The following GRIN2B variants were observed in gnomAD, a reference collection of about 807,000 sequenced individuals.
GRIN2B encodes glutamate receptor ionotropic, NMDA 2B.
GRIN2B carries 5 observed loss-of-function variants against 114.5 expected under a neutral mutation model. That is an observed-to-expected ratio of 0.04 (90% CI 0.02 to 0.09). The LOEUF (loss-of-function observed/expected upper bound fraction) is 0.09. GRIN2B is among the 10% of genes least tolerant of loss of function. The pLI, the probability that GRIN2B is intolerant of heterozygous loss-of-function variation, is 1.00. For missense variants in GRIN2B, 1,108 were observed against 1,943.5 expected (o/e 0.57, Z 8.08); for synonymous variants, 787 against 745.1 (o/e 1.06, Z -0.92).
At chr12:13,610,825 T>C (rs1949357680) in intron 9 of GRIN2B, among the ~76,000 whole-genome samples, 1 of 152,198 alleles carries the variant, frequency 6.6e-6, no homozygotes, top group African/African-American at 2.4e-5. Context: ...AACCTAGACT[T>C]AGTGAATCAG....
At chr12:13,941,936 T>C (rs1351995328) in intron 2 of GRIN2B, among the ~76,000 whole-genome samples, 1 of 152,228 alleles carries the variant, frequency 6.6e-6, no homozygotes, top group Non-Finnish European at 1.5e-5. Context: ...TGTTAGCATG[T>C]TACTGCCCTC....
At chr12:13,641,395 A>G (rs1248426802) in intron 5 of GRIN2B, among the ~76,000 whole-genome samples, 5 of 152,200 alleles carry the variant, frequency 3.3e-5, no homozygotes, top group Non-Finnish European at 7.4e-5. Flanking sequence ...TTTGAGGTTC[A>G]TGGTAACCCA....
intron 10 of GRIN2B, among the ~76,000 whole-genome samples, chr12:13,580,507 A>G (rs984791731): frequency 2.0e-5 from 3 of 152,214 alleles, no homozygotes; most frequent in Non-Finnish European, 4.4e-5. Context: ...CACAAAAAGA[A>G]TCAATGCCCA....
At chr12:13,678,211 G>A (rs1235809674) in intron 4 of GRIN2B, among the ~76,000 whole-genome samples, 1 of 152,138 alleles carries the variant, frequency 6.6e-6, no homozygotes, top group African/African-American at 2.4e-5. Context: ...ACATTGCTAA[G>A]TGAAAATGCT....
chr12:13,575,676 T>C (rs186028460), intron 10 of GRIN2B, among the ~76,000 whole-genome samples: 58 of 149,484 alleles, frequency 3.9e-4, no homozygotes, highest in African/African-American at 8.7e-4. Flanking sequence ...ATAACAACAA[T>C]AATAATAATA....
chr12:13,893,855 T>C (rs116539425), intron 2 of GRIN2B, among the ~76,000 whole-genome samples: 3,084 of 152,206 alleles, frequency 0.02, 114 homozygotes, highest in African/African-American at 0.07. Flanking sequence ...TGCATTTATC[T>C]GATTTATAAA....
At chr12:13,754,157 C>T (rs1221457981) in intron 3 of GRIN2B, among the ~76,000 whole-genome samples, 2 of 152,274 alleles carry the variant, frequency 1.3e-5, no homozygotes, top group East Asian at 3.9e-4. Flanking sequence ...TCTATACTTG[C>T]CTTGTCTGAA....
At chr12:13,632,963 T>C (rs1949629563) in intron 5 of GRIN2B, among the ~76,000 whole-genome samples, 1 of 152,130 alleles carries the variant, frequency 6.6e-6, no homozygotes, top group Non-Finnish European at 1.5e-5. Flanking sequence ...ATTTTCCTAG[T>C]GGGGAAATGA....
At chr12:13,782,965 C>T (rs575604661) in intron 3 of GRIN2B, among the ~76,000 whole-genome samples, 2 of 152,318 alleles carry the variant, frequency 1.3e-5, no homozygotes, top group East Asian at 1.9e-4. Context: ...TGGAGCTCTT[C>T]CACATTTAGA....
chr12:13,945,703 A>G (rs1266961972), intron 2 of GRIN2B, among the ~76,000 whole-genome samples: 1 of 152,200 alleles, frequency 6.6e-6, no homozygotes, highest in African/African-American at 2.4e-5. Context: ...CAGAAGCAAC[A>G]GTACAAAGGC....
At chr12:13,684,171 A>G (rs925476655) in intron 4 of GRIN2B, among the ~76,000 whole-genome samples, 2 of 152,140 alleles carry the variant, frequency 1.3e-5, no homozygotes, top group Non-Finnish European at 2.9e-5. Flanking sequence ...TACCACTTCA[A>G]TATAAAGTTC....
intron 10 of GRIN2B, among the ~76,000 whole-genome samples, chr12:13,583,235 AAAT>A (rs1948875848): frequency 6.6e-6 from 1 of 152,222 alleles, no homozygotes; most frequent in Non-Finnish European, 1.5e-5. Context: ...GTTTAGCTGG[AAAT>A]AATGATGATG....
At chr12:13,666,564 A>T (rs1035969362) in intron 5 of GRIN2B, among the ~76,000 whole-genome samples, 2 of 152,156 alleles carry the variant, frequency 1.3e-5, no homozygotes, top group African/African-American at 2.4e-5. Flanking sequence ...AGCTTTTATT[A>T]TTTTTAAATT....
chr12:13,844,949 T>C (rs1291169980), intron 3 of GRIN2B, among the ~76,000 whole-genome samples: 2 of 152,238 alleles, frequency 1.3e-5, no homozygotes, highest in Non-Finnish European at 2.9e-5. Flanking sequence ...CTTTCCTTTC[T>C]TTCTGGAAGA....
At chr12:13,675,670 A>G (rs533314601) in intron 5 of GRIN2B, 75 bp downstream of exon 5, 12 of 843,210 alleles carry the variant, frequency 1.4e-5, no homozygotes, top group Non-Finnish European at 2.3e-5. Context: ...CCAAAGGACT[A>G]CTTTCCTTCA....
At chr12:13,715,767 A>G (rs1950449741) in intron 4 of GRIN2B, among the ~76,000 whole-genome samples, 1 of 151,940 alleles carries the variant, frequency 6.6e-6, no homozygotes, top group South Asian at 2.1e-4. Context: ...GCTTACTGCA[A>G]AATATAACCC....
chr12:13,903,016 AT>A (rs1271661431), intron 2 of GRIN2B, among the ~76,000 whole-genome samples: 2 of 151,912 alleles, frequency 1.3e-5, no homozygotes, highest in Admixed American at 6.6e-5. Context: ...ATTTCAACTA[AT>A]TTTTTTAATT....
intron 4 of GRIN2B, among the ~76,000 whole-genome samples, chr12:13,730,218 G>A (rs1015957691): frequency 1.3e-5 from 2 of 151,792 alleles, no homozygotes; most frequent in Admixed American, 6.6e-5. Context: ...AACTATAATG[G>A]AAGAAATCCA....
At chr12:13,776,633 A>C (rs1214829456) in intron 3 of GRIN2B, among the ~76,000 whole-genome samples, 1 of 152,138 alleles carries the variant, frequency 6.6e-6, no homozygotes, top group Non-Finnish European at 1.5e-5. Flanking sequence ...TAGGGAAAAA[A>C]CAGAAATAAA....
Sources: allele counts gnomAD v4.1 joint callset (sites outside exome capture counted in the v4.1 genomes callset), GRCh38; gene constraint gnomAD v4.1.1; transcripts MANE v1.5; gene names NCBI Gene and HGNC (gene_info 2026-07-23, HGNC 2026-07-21).